Variants in RIOK2 observed in about 807,000 individuals in gnomAD.
RIOK2 encodes serine/threonine-protein kinase RIO2.
In RIOK2, 46 loss-of-function variants were observed where a neutral mutation model predicts 62.4. The observed-to-expected ratio is 0.74, with a 90% CI of 0.58 to 0.94. The LOEUF is 0.94. Among genes scored for constraint, RIOK2 ranks in the 40% least tolerant of loss-of-function variants. The probability of loss-of-function intolerance (pLI) is 0.00; values close to 1 mark genes in which losing one functional copy is unlikely to be tolerated. For synonymous variants in RIOK2, 197 were observed against 216.0 expected (o/e 0.91, Z 0.77); for missense variants, 574 against 658.0 (o/e 0.87, Z 1.40).
At chr5:97,175,939 T>TC (rs1215237121) in intron 4 of RIOK2, 2 of 152,232 alleles carry the variant, frequency 1.3e-5, no homozygotes, top group African/African-American at 4.8e-5. Flanking sequence ...AAGGATTTTT[T>TC]TTTTTAATGT....
chr5:97,170,471 T>C (rs1470715643), intron 6 of RIOK2, among the ~76,000 whole-genome samples: 3 of 152,198 alleles, frequency 2.0e-5, no homozygotes, highest in African/African-American at 7.2e-5. Flanking sequence ...TCATCGAGAT[T>C]ACTGAGTTAT....
At chr5:97,174,334 C>T (rs1248404237) in intron 4 of RIOK2, among the ~76,000 whole-genome samples, 2 of 152,126 alleles carry the variant, frequency 1.3e-5, no homozygotes, top group Non-Finnish European at 2.9e-5. Flanking sequence ...GCAGGAGAAT[C>T]GCGTGAACCC....
chr5:97,165,975 T>C (rs548238292), intron 8 of RIOK2, among the ~76,000 whole-genome samples: 2 of 152,328 alleles, frequency 1.3e-5, no homozygotes, highest in South Asian at 2.1e-4. Context: ...ATCCAATCCA[T>C]TGAAGGCCTG....
intron 8 of RIOK2, among the ~76,000 whole-genome samples, chr5:97,165,590 C>T (rs1297202231): frequency 6.6e-6 from 1 of 152,136 alleles, no homozygotes; most frequent in South Asian, 2.1e-4. Flanking sequence ...AAATCTGCAA[C>T]CTAGAGACTA....
intron 8 of RIOK2, chr5:97,166,287 C>T: frequency 2.2e-6 from 1 of 455,194 alleles, no homozygotes; most frequent in Non-Finnish European, 4.4e-6. Flanking sequence ...GAGCCTCTGT[C>T]ACCCCTCTTT....
At chr5:97,175,285 T>C (rs1749134559) in intron 4 of RIOK2, among the ~76,000 whole-genome samples, 1 of 152,216 alleles carries the variant, frequency 6.6e-6, no homozygotes, top group East Asian at 1.9e-4. Flanking sequence ...TTTTAAATAC[T>C]TTTTTTCAGT....
chr5:97,179,781 A>G (rs1424668179), intron 1 of RIOK2, among the ~76,000 whole-genome samples: 1 of 119,554 alleles, frequency 8.4e-6, no homozygotes, highest in Non-Finnish European at 1.8e-5. Context: ...GTGGACACAG[A>G]AAGGGGAACA....
In RIOK2 at chr5:97,180,005, T is replaced by TTATATATATATA. The variant is rs1561522107; in HGVS notation, c.67-813_67-812insTATATATATATA. On this transcript the variant is annotated intron_variant, in intron 1 of 9. Coordinates refer to ENST00000283109, the MANE Select transcript of RIOK2 (RefSeq NM_018343.3). The stretch of plus-strand genomic sequence containing the variant: ...ATATATATATAAAATATATATATAT[T>TTATATATATATA]ATATATATATAATATATATATAATA... Among the ~76,000 whole-genome samples the TTATATATATATA allele has an allele frequency of 7.3e-3, 201 of 27,442 alleles. 8 individuals are homozygous for TTATATATATATA. Among genetic ancestry groups the TTATATATATATA allele is most frequent in the African/African-American group, 0.025 (193 of 7,588 alleles). 18.0% of individuals were successfully genotyped at this position (27,442 alleles called of 152,430 possible).
chr5:97,176,531 G>C (rs915483891), intron 4 of RIOK2, among the ~76,000 whole-genome samples: 1 of 152,074 alleles, frequency 6.6e-6, no homozygotes, highest in Admixed American at 6.6e-5. Flanking sequence ...TAGTAGGGAT[G>C]GGGTTTCACC....
Position 97,162,885 on chromosome 5 carries a change from C to G in RIOK2, c.*176G>C. On this transcript the variant is annotated 3_prime_UTR_variant, in exon 10 of 10. Transcript: ENST00000283109. ...AAATTACTTTGAAAAAAATGGACTG[C>G]TTTGGCAGGTAATTATTCTTTGCAA... 1 of 539,764 alleles carries G rather than the reference C, an allele frequency of 1.9e-6. No individual in the cohort carries two copies. Among genetic ancestry groups the G allele is most frequent in the East Asian group, 3.2e-5 (1 of 31,562 alleles). 33.4% of individuals were successfully genotyped at this position (539,764 alleles called of 1,614,324 possible). A position where few individuals can be genotyped will look rare whatever the true frequency, so the allele number is the denominator to read the frequency against.
chr5:97,168,664 T>C (rs780188042), intron 7 of RIOK2, 96 bp downstream of exon 7: 1 of 769,538 alleles, frequency 1.3e-6, no homozygotes. Context: ...CGTGTCAAAA[T>C]TTGGAAAGTT....
chr5:97,177,630 G>A (rs1461733259), intron 3 of RIOK2, 102 bp downstream of exon 3: 1 of 745,064 alleles, frequency 1.3e-6, no homozygotes, highest in Admixed American at 2.6e-5. Flanking sequence ...CCAACTTACT[G>A]TTTAGTTAGA....
At position 97,177,167 on chromosome 5, in the gene RIOK2, T is replaced by C. The variant is rs2544772; in HGVS notation, c.447A>G (p.Ser149=). The change falls in exon 4 of 10, where the codon TCA becomes TCG. Residue 149 remains serine (S), a synonymous_variant. Transcript: ENST00000283109. ...RDYHKHRHNV[S]WLYLSRLSAM... The stretch of plus-strand genomic sequence containing the variant: ...CAGAGAGACGAGATAAATATAGCCA[T>C]GACACATTGTGCCTATGTTTATGAT... 6.2e-7 allele frequency: 1 copy of C among 1,611,916 alleles called. No homozygotes were observed. Among genetic ancestry groups the C allele is most frequent in the Non-Finnish European group, 8.5e-7 (1 of 1,178,858 alleles).
At chr5:97,179,248 A>G in intron 1 of RIOK2, 55 bp from the exon 2 acceptor site, 3 of 1,550,704 alleles carry the variant, frequency 1.9e-6, no homozygotes, top group Non-Finnish European at 8.7e-7. Context: ...CTTGTCTATC[A>G]AAACCCTGCG....
rs796892814 is a variant in RIOK2 at position 97,182,782 on chromosome 5, G to C, written c.66+344C>G. ...GAAGTCAATATTATCAAATCTCGGG[G>C]GGGGGGGGGGGCTTAAACCTTTCAC... On this transcript the variant is annotated intron_variant, in intron 1 of 9. Transcript: ENST00000283109. 1.1e-4 allele frequency: 25 copies of C among 222,878 alleles called. No individual in the cohort carries two copies. In the East Asian group the frequency reaches 1.3e-3, roughly 11 times the overall value. The allele number at this position is 222,878 out of a possible 1,614,324, so 13.8% of individuals were successfully genotyped here. A position where few individuals can be genotyped will look rare whatever the true frequency, so the allele number is the denominator to read the frequency against.
At chr5:97,177,523 C>A (rs553484851) in intron 3 of RIOK2, among the ~76,000 whole-genome samples, 1 of 152,102 alleles carries the variant, frequency 6.6e-6, no homozygotes, top group Non-Finnish European at 1.5e-5. Flanking sequence ...AAAATTAATT[C>A]CTGGTATAAA....
At chr5:97,165,218 T>C (rs1324582921) in intron 8 of RIOK2, 71 bp from the exon 9 acceptor site, 2 of 747,340 alleles carry the variant, frequency 2.7e-6, no homozygotes, top group African/African-American at 1.8e-5. Flanking sequence ...GATTAATTTA[T>C]ATTATTTTTT....
At position 97,180,016 on chromosome 5, in the gene RIOK2, A is replaced by ATATAATAT. The variant is rs1189156391; in HGVS notation, c.67-824_67-823insATATTATA. Among the ~76,000 whole-genome samples the ATATAATAT allele has an allele frequency of 3.9e-4, 17 of 44,136 alleles. 1 individual carries two copies. The Admixed American group carries it at 5.5e-3, about 14-fold the overall frequency. The allele number at this position is 44,136 out of a possible 152,430, so 29.0% of individuals were successfully genotyped here. ...AAATATATATATATTATATATATAT[A>ATATAATAT]ATATATATATAATATATATATTATA... On this transcript the variant is annotated intron_variant, in intron 1 of 9. Coordinates refer to ENST00000283109, the MANE Select transcript of RIOK2 (RefSeq NM_018343.3).
chr5:97,166,928 T>TA, intron 8 of RIOK2: 3 of 952,160 alleles, frequency 3.2e-6, no homozygotes, highest in Non-Finnish European at 3.8e-6. Flanking sequence ...TATATATATA[T>TA]TTTTGAGACG....
Sources: allele counts gnomAD v4.1 joint callset (sites outside exome capture counted in the v4.1 genomes callset), GRCh38; gene constraint gnomAD v4.1.1; transcripts MANE v1.5; gene names NCBI Gene and HGNC (gene_info 2026-07-23, HGNC 2026-07-21).